Variants in GRIK4 observed in about 807,000 individuals in gnomAD.
GRIK4 encodes the protein glutamate ionotropic receptor kainate type subunit 4, also known as glutamate receptor ionotropic, kainate 4.
Under a neutral mutation model 104.9 loss-of-function variants are expected in GRIK4, and 40 were observed. That is an observed-to-expected ratio of 0.38 (90% CI 0.30 to 0.50). The LOEUF is 0.50. GRIK4 is among the 20% of genes least tolerant of loss of function. The pLI is 0.93. For synonymous variants in GRIK4, 485 were observed against 524.9 expected (o/e 0.92, Z 1.04); for missense variants, 1,047 against 1,308.1 (o/e 0.80, Z 3.08).
At chr11:120,647,831 C>A (rs1949563508) in intron 1 of GRIK4, among the ~76,000 whole-genome samples, 1 of 152,208 alleles carries the variant, frequency 6.6e-6, no homozygotes, top group African/African-American at 2.4e-5. Context: ...CACACAAGGA[C>A]ATCCTACTTC....
intron 1 of GRIK4, among the ~76,000 whole-genome samples, chr11:120,592,275 A>G (rs1948743669): frequency 6.6e-6 from 1 of 152,256 alleles, no homozygotes. Flanking sequence ...GAAGCAGCCC[A>G]GAACTTGTGC....
At position 120,967,365 on chromosome 11, in the gene GRIK4, C is replaced by G. The variant is rs775016228; in HGVS notation, c.2395+42C>G. 6 of 1,566,744 alleles carry G rather than the reference C, an allele frequency of 3.8e-6. No homozygotes were observed. In the East Asian group the frequency reaches 1.1e-4, roughly 30 times the overall value. ...CCATCCTCCTCCTGCCCTAGAGGACCAAAGTAGCTTGTTTCTCGTGTTCAA... is the reference window on the plus strand; with the variant it reads ...CCATCCTCCTCCTGCCCTAGAGGACGAAAGTAGCTTGTTTCTCGTGTTCAA... On this transcript the variant is annotated intron_variant, in intron 19 of 20. Coordinates refer to ENST00000527524, the MANE Select transcript of GRIK4 (RefSeq NM_014619.5). The surrounding 1 kb of genome is among the most constrained non-coding windows in gnomAD (Gnocchi z 4.2).
chr11:120,769,496 T>G (rs576331178), intron 3 of GRIK4, among the ~76,000 whole-genome samples: 53 of 152,360 alleles, frequency 3.5e-4, no homozygotes, highest in Admixed American at 3.4e-3. Context: ...ATTTTAATTT[T>G]ATATAATTGT....
chr11:120,721,283 G>T (rs906450327), intron 3 of GRIK4, among the ~76,000 whole-genome samples: 2 of 152,152 alleles, frequency 1.3e-5, no homozygotes, highest in African/African-American at 2.4e-5. Context: ...TGTGGATGAG[G>T]CATCTGGTTG....
intron 3 of GRIK4, among the ~76,000 whole-genome samples, chr11:120,682,958 G>A (rs1022942961): frequency 2.6e-5 from 4 of 151,962 alleles, no homozygotes; most frequent in African/African-American, 9.7e-5. Context: ...CAGGTTAAGT[G>A]TCGTGTTCTC....
At chr11:120,519,880 GTTTTTT>G (rs11300538) in intron 1 of GRIK4, among the ~76,000 whole-genome samples, 1 of 121,618 alleles carries the variant, frequency 8.2e-6, no homozygotes, top group South Asian at 2.7e-4. Flanking sequence ...TTTTTTTTTT[GTTTTTT>G]TTTTTGTTGT....
At chr11:120,938,674 T>C (rs602104) in intron 13 of GRIK4, among the ~76,000 whole-genome samples, 24,437 of 152,202 alleles carry the variant, frequency 0.16, 2,045 homozygotes, top group Middle Eastern at 0.28. Flanking sequence ...TGTTTGTAGA[T>C]TGTTGGACCA....
At chr11:120,943,102 C>G (rs1224465787) in intron 14 of GRIK4, among the ~76,000 whole-genome samples, 1 of 92,046 alleles carries the variant, frequency 1.1e-5, no homozygotes, top group Non-Finnish European at 2.3e-5. Flanking sequence ...ATCTCTGTCC[C>G]TCTCTACACA....
chr11:120,638,261 C>T (rs1203309471), intron 1 of GRIK4, among the ~76,000 whole-genome samples: 3 of 152,168 alleles, frequency 2.0e-5, no homozygotes, highest in African/African-American at 4.8e-5. Flanking sequence ...AATACTGACC[C>T]ACTTAAAACT....
intron 13 of GRIK4, among the ~76,000 whole-genome samples, chr11:120,914,838 C>T (rs558145669): frequency 2.0e-5 from 3 of 152,102 alleles, no homozygotes; most frequent in South Asian, 4.2e-4. Flanking sequence ...GAGAGGGGGA[C>T]GGATTGGAGG....
chr11:120,813,752 A>G (rs1340875194), intron 4 of GRIK4, among the ~76,000 whole-genome samples: 2 of 152,154 alleles, frequency 1.3e-5, no homozygotes, highest in Non-Finnish European at 2.9e-5. Context: ...CTGGCTCAGT[A>G]AGAAACCTTG....
At chr11:120,838,566 CTGGT>C (rs926617268) in intron 8 of GRIK4, among the ~76,000 whole-genome samples, 11 of 152,076 alleles carry the variant, frequency 7.2e-5, no homozygotes, top group African/African-American at 2.7e-4. Flanking sequence ...ATAAATGATG[CTGGT>C]TGAATAATAG....
chr11:120,682,185 A>G (rs1950202930), intron 3 of GRIK4, among the ~76,000 whole-genome samples: 2 of 152,226 alleles, frequency 1.3e-5, no homozygotes, highest in African/African-American at 4.8e-5. Context: ...TCGAATTGAA[A>G]TGCAAATCCT....
At chr11:120,565,796 C>T (rs1029374898) in intron 1 of GRIK4, among the ~76,000 whole-genome samples, 8 of 152,212 alleles carry the variant, frequency 5.3e-5, no homozygotes, top group Non-Finnish European at 1.0e-4. Flanking sequence ...GAGGTAATAC[C>T]TGGCCACATG....
intron 13 of GRIK4, among the ~76,000 whole-genome samples, chr11:120,915,849 T>C (rs1418047986): frequency 2.0e-5 from 3 of 152,204 alleles, no homozygotes; most frequent in Non-Finnish European, 4.4e-5. Context: ...TATTACTCTG[T>C]TCCACAGATG....
At chr11:120,587,528 T>C (rs545773354) in intron 1 of GRIK4, among the ~76,000 whole-genome samples, 3 of 152,320 alleles carry the variant, frequency 2.0e-5, no homozygotes, top group Non-Finnish European at 2.9e-5. Context: ...CTTGGCACAG[T>C]GTCAGACATA....
In GRIK4 at chr11:120,549,956, G is replaced by A. The variant is rs1948123325; in HGVS notation, c.-159+38069G>A. Among the ~76,000 whole-genome samples the A allele has an allele frequency of 6.6e-6, 1 of 152,200 alleles. No individual in the cohort carries two copies. Among genetic ancestry groups the A allele is most frequent in the Admixed American group, 6.5e-5 (1 of 15,284 alleles). ...TACTCTTTATCATTTAAGGCAGTTT[G>A]AGTTGCGTTTTCTGTCACTTGCAAG... On this transcript the variant is annotated intron_variant, in intron 1 of 20. Coordinates refer to ENST00000527524, the MANE Select transcript of GRIK4 (RefSeq NM_014619.5). The surrounding 1 kb of genome is among the most constrained non-coding windows in gnomAD (Gnocchi z 4.7).
chr11:120,709,039 C>T (rs891284695), intron 3 of GRIK4, among the ~76,000 whole-genome samples: 14 of 152,084 alleles, frequency 9.2e-5, no homozygotes, highest in African/African-American at 3.1e-4. Context: ...TATAAATAGC[C>T]CTCAGGAGAA....
At chr11:120,767,169 A>T (rs1047710906) in intron 3 of GRIK4, among the ~76,000 whole-genome samples, 5 of 152,140 alleles carry the variant, frequency 3.3e-5, no homozygotes, top group Admixed American at 6.5e-5. Context: ...TTCCCACCAA[A>T]CAGTGCACTA....
Sources: allele counts gnomAD v4.1 joint callset (sites outside exome capture counted in the v4.1 genomes callset), GRCh38; gene constraint gnomAD v4.1.1; non-coding constraint Gnocchi (gnomAD v3.1); transcripts MANE v1.5; gene names NCBI Gene and HGNC (gene_info 2026-07-23, HGNC 2026-07-21).